Variants in ANO10 observed in about 807,000 individuals in gnomAD.
ANO10 encodes anoctamin-10.
A neutral mutation model predicts 74.7 loss-of-function variants in ANO10; 77 were observed. That is an observed-to-expected ratio of 1.03 (90% confidence interval 0.86 to 1.25). The LOEUF is 1.25. ANO10 is among the 50% of genes most tolerant of loss of function. ANO10 has a pLI of 0.00. For missense variants in ANO10, 721 were observed against 778.1 expected (o/e 0.93, Z 0.87); for synonymous variants, 279 against 284.9 (o/e 0.98, Z 0.21).
intron 11 of ANO10, among the ~76,000 whole-genome samples, chr3:43,439,762 T>G (rs1358294567): frequency 6.6e-6 from 1 of 151,982 alleles, no homozygotes; most frequent in Middle Eastern, 3.2e-3. Flanking sequence ...ATGCCTATAG[T>G]TCAAGCTACT....
chr3:43,602,878 C>T (rs932856731), intron 2 of ANO10, among the ~76,000 whole-genome samples: 3 of 152,130 alleles, frequency 2.0e-5, no homozygotes, highest in Non-Finnish European at 4.4e-5. Flanking sequence ...TATTTGTTTT[C>T]ATGTCATCAA....
intron 1 of ANO10, among the ~76,000 whole-genome samples, chr3:43,633,111 C>A (rs918210897): frequency 6.6e-6 from 1 of 152,084 alleles, no homozygotes; most frequent in Admixed American, 6.5e-5. Context: ...AAATAAAAAA[C>A]GTAAATTTAT....
intron 11 of ANO10, among the ~76,000 whole-genome samples, chr3:43,472,182 G>A (rs2075883517): frequency 6.6e-6 from 1 of 152,128 alleles, no homozygotes; most frequent in South Asian, 2.1e-4. Context: ...ATGATACTCT[G>A]AGAAAGGCAA....
chr3:43,383,325 G>C (rs111748680), intron 12 of ANO10, among the ~76,000 whole-genome samples: 1,549 of 152,042 alleles, frequency 0.01, 14 homozygotes, highest in Middle Eastern at 0.054. Context: ...ATGGTGGCAG[G>C]TGCCTGTAGT....
chr3:43,567,917 G>T (rs1454840116), intron 7 of ANO10, among the ~76,000 whole-genome samples: 1 of 152,142 alleles, frequency 6.6e-6, no homozygotes, highest in Non-Finnish European at 1.5e-5. Flanking sequence ...AGACCCATCA[G>T]TGTGCTGTAT....
chr3:43,659,419 C>T (rs932942251), intron 1 of ANO10, among the ~76,000 whole-genome samples: 4 of 152,214 alleles, frequency 2.6e-5, no homozygotes, highest in South Asian at 2.1e-4. Context: ...GTGCCTGGCT[C>T]GGTGGGTCCC....
chr3:43,666,388 T>C (rs1429150525), intron 1 of ANO10, among the ~76,000 whole-genome samples: 1 of 152,198 alleles, frequency 6.6e-6, no homozygotes, highest in East Asian at 1.9e-4. Flanking sequence ...TAATTAGTTT[T>C]CTGTAAGTTG....
At chr3:43,384,300 C>T (rs904541431) in intron 12 of ANO10, among the ~76,000 whole-genome samples, 11 of 152,138 alleles carry the variant, frequency 7.2e-5, no homozygotes, top group African/African-American at 2.7e-4. Context: ...AATGGAAACA[C>T]ATCCCATGCT....
chr3:43,568,189 C>A (rs2080479842), intron 7 of ANO10, among the ~76,000 whole-genome samples: 2 of 152,106 alleles, frequency 1.3e-5, no homozygotes, highest in Admixed American at 1.3e-4. Context: ...TAAAGCAAAT[C>A]CTTAGAGACC....
intron 7 of ANO10, among the ~76,000 whole-genome samples, chr3:43,571,446 C>A (rs1244815118): frequency 6.6e-6 from 1 of 151,618 alleles, no homozygotes; most frequent in African/African-American, 2.4e-5. Flanking sequence ...AAATGTCCAA[C>A]AATGATAGAC....
intron 12 of ANO10, among the ~76,000 whole-genome samples, chr3:43,424,338 A>T (rs1482012765): frequency 6.6e-6 from 1 of 152,180 alleles, no homozygotes; most frequent in Non-Finnish European, 1.5e-5. Flanking sequence ...GAAGAAACTT[A>T]GTTTATAGTT....
chr3:43,668,506 A>G (rs2084019159), intron 1 of ANO10, among the ~76,000 whole-genome samples: 1 of 152,070 alleles, frequency 6.6e-6, no homozygotes, highest in African/African-American at 2.4e-5. Flanking sequence ...TGCCTAAGCC[A>G]GTGTCTAGAA....
intron 11 of ANO10, among the ~76,000 whole-genome samples, chr3:43,514,428 A>C (rs1342248803): frequency 6.6e-6 from 1 of 152,222 alleles, no homozygotes; most frequent in African/African-American, 2.4e-5. Flanking sequence ...TCAATCCATG[A>C]AGATGATGAA....
intron 11 of ANO10, among the ~76,000 whole-genome samples, chr3:43,464,170 A>G (rs2075511499): frequency 6.6e-6 from 1 of 152,208 alleles, no homozygotes; most frequent in Non-Finnish European, 1.5e-5. Context: ...GGAATAATAC[A>G]TCAATCCTAC....
At chr3:43,611,273 G>A (rs902673125) in intron 1 of ANO10, among the ~76,000 whole-genome samples, 1 of 152,160 alleles carries the variant, frequency 6.6e-6, no homozygotes, top group African/African-American at 2.4e-5. Flanking sequence ...AGGGAAGTAT[G>A]GCTTCCTAAA....
intron 11 of ANO10, among the ~76,000 whole-genome samples, chr3:43,463,417 C>T (rs570458071): frequency 6.6e-6 from 1 of 152,302 alleles, no homozygotes; most frequent in South Asian, 2.1e-4. Context: ...GACCTAGATG[C>T]TTACATTATA....
At chr3:43,470,622 T>TTATTTATG (rs1165060352) in intron 11 of ANO10, among the ~76,000 whole-genome samples, 161 of 148,710 alleles carry the variant, frequency 1.1e-3, no homozygotes, top group African/African-American at 4.0e-3. Flanking sequence ...ATTTATTTAT[T>TTATTTATG]TATTTATGTA....
At chr3:43,461,467 C>T (rs1176267477) in intron 11 of ANO10, among the ~76,000 whole-genome samples, 2 of 152,168 alleles carry the variant, frequency 1.3e-5, no homozygotes, top group East Asian at 3.9e-4. Context: ...GCTGTGTCCC[C>T]ACCCGAATCT....
At chr3:43,493,489 G>A (rs2076805629) in intron 11 of ANO10, among the ~76,000 whole-genome samples, 1 of 151,850 alleles carries the variant, frequency 6.6e-6, no homozygotes, top group African/African-American at 2.4e-5. Context: ...TATTTAATAT[G>A]CCATTTATTT....
Sources: gnomAD v4.1 joint callset for allele counts (sites outside exome capture counted in the v4.1 genomes callset) on GRCh38, gnomAD v4.1.1 for gene constraint, MANE v1.5 for transcripts, NCBI Gene and HGNC (gene_info 2026-07-23, HGNC 2026-07-21) for gene names.